Variants in AADAT observed in about 807,000 individuals in gnomAD.
AADAT encodes kynurenine/alpha-aminoadipate aminotransferase, mitochondrial.
AADAT carries 25 observed loss-of-function variants against 56.2 expected under a neutral mutation model. That is an observed-to-expected ratio of 0.44 (90% CI 0.32 to 0.62). AADAT has a LOEUF of 0.62. Ranked by LOEUF, AADAT falls within the 20% of genes least tolerant of loss-of-function variation. The pLI, the probability that AADAT is intolerant of heterozygous loss-of-function variation, is 0.04. For synonymous variants in AADAT, 173 were observed against 164.7 expected, an observed-to-expected ratio of 1.05 and a Z score of -0.39; for missense variants, 387 against 510.5, an observed-to-expected ratio of 0.76 and a Z score of 2.33.
chr4:170,061,482 G>A (rs1731185004), intron 12 of AADAT, among the ~76,000 whole-genome samples: 1 of 152,106 alleles, frequency 6.6e-6, no homozygotes, highest in African/African-American at 2.4e-5. Flanking sequence ...AGCTTATTTT[G>A]GTTAAAGCTA....
At chr4:170,093,322 C>T (rs1265451857), upstream of AADAT, among the ~76,000 whole-genome samples, 7 of 152,018 alleles carry the variant, frequency 4.6e-5, 1 homozygote, top group South Asian at 8.3e-4. Context: ...CTCAGCCACT[C>T]GGGAGGCTGA....
intron 4 of AADAT, 101 bp from the exon 5 acceptor site, chr4:170,073,446 C>T: frequency 9.7e-7 from 1 of 1,025,748 alleles, no homozygotes; most frequent in East Asian, 2.6e-5. Flanking sequence ...TCATTCATAC[C>T]CTTAAAAATA....
At chr4:170,092,655 C>T (rs1404640904), upstream of AADAT, among the ~76,000 whole-genome samples, 1 of 152,178 alleles carries the variant, frequency 6.6e-6, no homozygotes, top group East Asian at 1.9e-4. Context: ...AGTTGAAATC[C>T]CATTTGATGG....
upstream of AADAT, among the ~76,000 whole-genome samples, chr4:170,094,289 G>T (rs1732942713): frequency 6.6e-6 from 1 of 152,236 alleles, no homozygotes; most frequent in African/African-American, 2.4e-5. Context: ...GACAATAGAA[G>T]CTGAAGACTG....
chr4:170,084,669 A>T (rs1280486110), intron 3 of AADAT, among the ~76,000 whole-genome samples: 1 of 152,186 alleles, frequency 6.6e-6, no homozygotes, highest in Non-Finnish European at 1.5e-5. Context: ...GCCATTATCA[A>T]TTGAGATAGA....
chr4:170,078,458 T>G, intron 4 of AADAT, 51 bp downstream of exon 4: 1 of 1,079,730 alleles, frequency 9.3e-7, no homozygotes, highest in South Asian at 1.5e-5. Flanking sequence ...ATTATAAGTT[T>G]TCTTCTTATT....
At chr4:170,091,841 T>G (rs1410306379), upstream of AADAT, 1 of 152,298 alleles carries the variant, frequency 6.6e-6, no homozygotes, top group Non-Finnish European at 1.5e-5. Flanking sequence ...TGGAGAATCT[T>G]TATGTCTAGC....
rs1455103708 is a variant in AADAT at position 170,060,635 on chromosome 4, T to G, written c.*293A>C. On this transcript the variant is annotated 3_prime_UTR_variant, in exon 13 of 13. Coordinates refer to ENST00000337664, the MANE Select transcript of AADAT (RefSeq NM_016228.4). The stretch of plus-strand genomic sequence containing the variant: ...TGAACTACTACAGATAGGACATGTT[T>G]GAGGAAATTTAATCTTTAAGTCTAA... 1 of 255,296 alleles carries G rather than the reference T, an allele frequency of 3.9e-6. No individual in the cohort carries two copies. Among genetic ancestry groups the G allele is most frequent in the Non-Finnish European group, 7.3e-6 (1 of 136,186 alleles). 15.8% of individuals were successfully genotyped at this position (255,296 alleles called of 1,614,324 possible).
chr4:170,083,576 G>A (rs1732415219), intron 3 of AADAT, among the ~76,000 whole-genome samples: 1 of 151,972 alleles, frequency 6.6e-6, no homozygotes, highest in African/African-American at 2.4e-5. Flanking sequence ...TTAAAAATTG[G>A]GCAAAAGATC....
intron 2 of AADAT, among the ~76,000 whole-genome samples, chr4:170,088,006 C>T (rs1388712752): frequency 6.7e-6 from 1 of 150,308 alleles, no homozygotes; most frequent in Non-Finnish European, 1.5e-5. Flanking sequence ...CTTCCTGGAT[C>T]TTCCGTTTCT....
intron 7 of AADAT, 53 bp downstream of exon 7, chr4:170,069,095 A>G (rs1350123044): frequency 3.4e-6 from 5 of 1,469,316 alleles, no homozygotes; most frequent in Non-Finnish European, 3.7e-6. Flanking sequence ...ATACTGAGGT[A>G]CTATCTCTGG....
rs1189775694 is a variant in AADAT at position 170,069,949 on chromosome 4, A to G, written c.720+638T>C. ...AGGCGTTGGTCTTAACATTATCATC[A>G]TCTATCAGAAAAAAGTCATCATGAA... On this transcript the variant is annotated intron_variant, in intron 6 of 12. Transcript: ENST00000337664. 2.0e-5 allele frequency among the ~76,000 whole-genome samples: 3 copies of G among 152,142 alleles called. No homozygotes were observed. In the East Asian group the frequency reaches 5.8e-4, roughly 29 times the overall value.
At chr4:170,063,615 G>T (rs1731303044) in intron 11 of AADAT, among the ~76,000 whole-genome samples, 1 of 152,220 alleles carries the variant, frequency 6.6e-6, no homozygotes. Flanking sequence ...GCTAAGAGAG[G>T]ATAATAGCTT....
chr4:170,068,513 T>G, intron 8 of AADAT, 78 bp downstream of exon 8: 2 of 1,103,580 alleles, frequency 1.8e-6, no homozygotes, highest in Non-Finnish European at 2.6e-6. Context: ...TTGGAGTTCC[T>G]GTGCTCTACC....
intron 4 of AADAT, among the ~76,000 whole-genome samples, chr4:170,076,418 G>C (rs1732035963): frequency 6.6e-6 from 1 of 152,098 alleles, no homozygotes; most frequent in South Asian, 2.1e-4. Context: ...ACACGATCAT[G>C]GAACTTGCGG....
chr4:170,092,809 A>G (rs1378092884), upstream of AADAT, among the ~76,000 whole-genome samples: 4 of 152,230 alleles, frequency 2.6e-5, no homozygotes, highest in African/African-American at 9.6e-5. Flanking sequence ...CGCTATGAAC[A>G]TTGGCTGTTG....
intron 4 of AADAT, among the ~76,000 whole-genome samples, chr4:170,075,068 G>C (rs1731968252): frequency 6.6e-6 from 1 of 152,036 alleles, no homozygotes; most frequent in African/African-American, 2.4e-5. Context: ...ATCAATACTG[G>C]GCCATAAACT....
In AADAT at chr4:170,089,606, G is replaced by C; in HGVS notation, c.67+18C>G. 3 of 1,614,038 alleles carry C rather than the reference G, an allele frequency of 1.9e-6. No individual in the cohort carries two copies. The highest frequency in any genetic ancestry group is 2.5e-6 in the Non-Finnish European group (3 of 1,179,914). ...GAATGCCCCACCCCAAAGGAGAGATGGTCACCCCGTTTCTCACTCATGGTC... is the reference window on the plus strand; with the variant it reads ...GAATGCCCCACCCCAAAGGAGAGATCGTCACCCCGTTTCTCACTCATGGTC... On this transcript the variant is annotated intron_variant, in intron 1 of 12. Coordinates refer to ENST00000337664, the MANE Select transcript of AADAT (RefSeq NM_016228.4).
chr4:170,074,347 T>C (rs2727516), intron 4 of AADAT, among the ~76,000 whole-genome samples: 4,273 of 152,102 alleles, frequency 0.028, 210 homozygotes, highest in African/African-American at 0.096. Context: ...TTTCAAGCCC[T>C]TGCCCCCTTC....
Sources: gnomAD v4.1 joint callset for allele counts (sites outside exome capture counted in the v4.1 genomes callset) on GRCh38, gnomAD v4.1.1 for gene constraint, MANE v1.5 for transcripts, NCBI Gene and HGNC (gene_info 2026-07-23, HGNC 2026-07-21) for gene names.